Variants in DNAH12 observed in about 807,000 individuals in gnomAD.
The protein encoded by DNAH12 is dynein axonemal heavy chain 12.
DNAH12 carries 285 observed loss-of-function variants against 371.5 expected under a neutral mutation model. The observed-to-expected ratio is 0.77, with a 90% CI of 0.70 to 0.85. The LOEUF is 0.85. Ranked by LOEUF, DNAH12 falls within the 40% of genes least tolerant of loss-of-function variation. The probability of loss-of-function intolerance (pLI) is 0.00; values close to 1 mark genes in which losing one functional copy is unlikely to be tolerated. For synonymous variants in DNAH12, 1,200 were observed against 1,213.0 expected (o/e 0.99, Z 0.22); for missense variants, 3,611 against 3,689.4 (o/e 0.98, Z 0.55).
At position 57,445,229 on chromosome 3, in the gene DNAH12, A is replaced by G. The variant is rs2065445913; in HGVS notation, c.4370T>C (p.Leu1457Ser). 1.3e-6 allele frequency: 2 copies of G among 1,550,712 alleles called. No individual in the cohort carries two copies. Among genetic ancestry groups the G allele is most frequent in the African/African-American group, 2.7e-5 (2 of 73,150 alleles). ...TAGTTTTAGATTGCCAGCAGCCACT[A>G]AAACGGCTTTTACTGCTCGCATTCC... is the stretch of plus-strand genomic sequence containing the variant. ...DYGMRAVKAV[L>S]VAAGNLKLKY... is the part of the protein sequence containing the mutation. Residue 1457 changes from leucine (L) to serine (S), a missense_variant, in exon 28 of 74, where the codon TTA becomes TCA. By Grantham distance (145) the Leu-to-Ser change is moderately radical (BLOSUM62 -2). Around this residue, in one of 3 missense-constraint regions of DNAH12, gnomAD observed 2,266 missense variants for 2,236.9 expected, o/e 1.01. Coordinates refer to ENST00000495027, the MANE Select transcript of DNAH12 (RefSeq NM_001366028.2).
chr3:57,403,229 C>T (rs2063924606), intron 43 of DNAH12, 80 bp downstream of exon 43: 1 of 1,359,970 alleles, frequency 7.4e-7, no homozygotes, highest in African/African-American at 1.5e-5. Context: ...CAGTACACAG[C>T]TACACAGGCT....
intron 42 of DNAH12, among the ~76,000 whole-genome samples, 159 bp from the exon 43 acceptor site, chr3:57,403,660 T>C (rs1559619895): frequency 6.6e-6 from 1 of 152,226 alleles, no homozygotes. Context: ...GTGTGATTTT[T>C]CAAAAGCAGT....
At chr3:57,536,741 T>C (rs2069061606) in intron 2 of DNAH12, among the ~76,000 whole-genome samples, 1 of 152,230 alleles carries the variant, frequency 6.6e-6, no homozygotes, top group South Asian at 2.1e-4. Context: ...AGCCTTGCAC[T>C]GTAATTATCC....
intron 37 of DNAH12, among the ~76,000 whole-genome samples, chr3:57,415,852 G>A (rs1319451360): frequency 6.8e-6 from 1 of 147,064 alleles, no homozygotes; most frequent in Admixed American, 6.9e-5. Flanking sequence ...GCAGTGACGT[G>A]ATCTTGGCTC....
chr3:57,510,644 A>T, intron 5 of DNAH12, 146 bp downstream of exon 5: 1 of 770,532 alleles, frequency 1.3e-6, no homozygotes, highest in African/African-American at 1.8e-5. Context: ...TCGAAGAAAA[A>T]AAATAAAAAG....
intron 4 of DNAH12, among the ~76,000 whole-genome samples, chr3:57,514,228 T>C (rs2068101152): frequency 6.6e-6 from 1 of 151,874 alleles, no homozygotes; most frequent in African/African-American, 2.4e-5. Flanking sequence ...ACCCCGTCTC[T>C]ACTAAAAATA....
rs2062690382 is a variant in DNAH12, at chr3:57,352,140, G to A, written c.9619C>T (p.Leu3207=). 2 of 1,541,810 alleles carry A rather than the reference G, an allele frequency of 1.3e-6. No individual in the cohort carries two copies. Among genetic ancestry groups the A allele is most frequent in the Admixed American group, 2.0e-5 (1 of 49,054 alleles). Residue 3207 remains leucine (L), a synonymous_variant, in exon 60 of 74, where the codon CTA becomes TTA. Transcript: ENST00000495027. ...AATAACAGCTTGTCCTTCTCAAATA[G>A]TGATCGGCATATATTACAATATAAG... ...YNLYCNICRS[L]FEKDKLLFSF...
Position 57,544,321 on chromosome 3 carries a change from TCAAACGAGTAGCTGGAG to T in DNAH12, c.-175_-159del, listed in dbSNP as rs1358251760. 5 of 152,282 alleles carry T rather than the reference TCAAACGAGTAGCTGGAG, an allele frequency of 3.3e-5. No homozygotes were observed. Among genetic ancestry groups the T allele is most frequent in the African/African-American group, 1.2e-4 (5 of 41,556 alleles). 9.4% of individuals were successfully genotyped at this position (152,282 alleles called of 1,614,324 possible). ...GAAACCTCCGGAACGCCACCGGCTC[TCAAACGAGTAGCTGGAG>T]AAGGGCGGTCGCTGACCGGTTGGAA... On this transcript the variant is annotated 5_prime_UTR_variant, in exon 1 of 74. Transcript: ENST00000495027.
At chr3:57,347,302 T>G (rs1300694747) in intron 60 of DNAH12, among the ~76,000 whole-genome samples, 3 of 152,164 alleles carry the variant, frequency 2.0e-5, no homozygotes, top group African/African-American at 7.2e-5. Context: ...ACACCACGAC[T>G]AAGTGGGATT....
At chr3:57,538,984 A>T (rs1575754567) in intron 2 of DNAH12, among the ~76,000 whole-genome samples, 2 of 152,130 alleles carry the variant, frequency 1.3e-5, no homozygotes, top group Non-Finnish European at 2.9e-5. Flanking sequence ...ACTACTATCC[A>T]CCTAGCTACC....
chr3:57,335,751 A>C (rs2062208303), intron 60 of DNAH12, among the ~76,000 whole-genome samples: 1 of 152,238 alleles, frequency 6.6e-6, no homozygotes, highest in African/African-American at 2.4e-5. Context: ...GACTGTACTA[A>C]GAGATGCATC....
chr3:57,454,524 T>C (rs569944792), intron 23 of DNAH12, among the ~76,000 whole-genome samples: 2 of 151,594 alleles, frequency 1.3e-5, no homozygotes, highest in African/African-American at 2.4e-5. Flanking sequence ...AGATTATATA[T>C]AGAAACTGAC....
At chr3:57,449,928 A>T (rs950728340) in intron 25 of DNAH12, among the ~76,000 whole-genome samples, 1 of 152,150 alleles carries the variant, frequency 6.6e-6, no homozygotes, top group African/African-American at 2.4e-5. Context: ...ACTTTTTCTC[A>T]GTGTCTAGTG....
chr3:57,533,528 A>G (rs148693471), intron 2 of DNAH12, among the ~76,000 whole-genome samples: 2 of 147,418 alleles, frequency 1.4e-5, no homozygotes, highest in African/African-American at 5.0e-5. Flanking sequence ...TATTGCTGAT[A>G]GTTATTCAAG....
At chr3:57,504,225 T>C (rs1294738120) in intron 8 of DNAH12, 21 bp from the exon 9 acceptor site, 1 of 1,596,868 alleles carries the variant, frequency 6.3e-7, no homozygotes, top group East Asian at 2.2e-5. Context: ...TAAATCACTG[T>C]TACTTTAGAG....
intron 13 of DNAH12, among the ~76,000 whole-genome samples, chr3:57,473,719 T>A (rs932389918): frequency 1.3e-5 from 2 of 149,906 alleles, no homozygotes; most frequent in East Asian, 3.9e-4. Flanking sequence ...ATATATAATA[T>A]AGATATAAAA....
upstream of DNAH12, among the ~76,000 whole-genome samples, chr3:57,544,802 G>T (rs1272232324): frequency 6.6e-6 from 1 of 152,152 alleles, no homozygotes; most frequent in African/African-American, 2.4e-5. Flanking sequence ...GAATTTAGTG[G>T]TATGCTGGGA....
chr3:57,497,885 C>T (rs934178289), intron 11 of DNAH12: 1 of 152,218 alleles, frequency 6.6e-6, no homozygotes, highest in Admixed American at 6.5e-5. Context: ...ATTTCAGATA[C>T]AAGACTTTTA....
chr3:57,414,632 T>C (rs1345717425), intron 38 of DNAH12, among the ~76,000 whole-genome samples: 1 of 152,344 alleles, frequency 6.6e-6, no homozygotes, highest in South Asian at 2.1e-4. Flanking sequence ...TTAACTTACT[T>C]AATATTTAAA....
Sources: allele counts gnomAD v4.1 joint callset (sites outside exome capture counted in the v4.1 genomes callset), GRCh38; gene constraint gnomAD v4.1.1; regional missense constraint gnomAD v4.1.1; transcripts MANE v1.5; gene names NCBI Gene and HGNC (gene_info 2026-07-23, HGNC 2026-07-21).